CDK13: variants seen among roughly 807,000 people sequenced by gnomAD.
CDK13 encodes cyclin dependent kinase 13, also known as cyclin-dependent kinase 13.
In CDK13, 40 loss-of-function variants were observed where a neutral mutation model predicts 137.6. The observed-to-expected ratio is 0.29, with a 90% CI of 0.23 to 0.38. The LOEUF (loss-of-function observed/expected upper bound fraction) is 0.38, where lower values mean the gene tolerates loss of function less well. Among genes scored for constraint, CDK13 ranks in the 10% least tolerant of loss-of-function variants. CDK13 has a pLI of 1.00. For missense variants in CDK13, 1,704 were observed against 1,951.8 expected, an observed-to-expected ratio of 0.87 and a Z score of 2.39; for synonymous variants, 869 against 760.1, an observed-to-expected ratio of 1.14 and a Z score of -2.36.
intron 3 of CDK13, chr7:39,999,037 A>G (rs1208510036): frequency 4.0e-5 from 7 of 173,626 alleles, no homozygotes; most frequent in Non-Finnish European, 6.0e-5. Flanking sequence ...GAGAATTTTG[A>G]CTCTACTAGT....
chr7:40,037,076 A>G (rs1315487331), intron 5 of CDK13, among the ~76,000 whole-genome samples: 2 of 152,178 alleles, frequency 1.3e-5, no homozygotes, highest in Non-Finnish European at 2.9e-5. Flanking sequence ...CAATTTGGCC[A>G]AATGCTTCCT....
At chr7:40,020,091 C>T (rs554451517) in intron 5 of CDK13, among the ~76,000 whole-genome samples, 3 of 151,366 alleles carry the variant, frequency 2.0e-5, no homozygotes, top group South Asian at 2.1e-4. Context: ...TTTTTGAGAC[C>T]GGGTCTTGCT....
intron 5 of CDK13, among the ~76,000 whole-genome samples, chr7:40,013,758 A>T (rs1784944683): frequency 6.6e-6 from 1 of 152,206 alleles, no homozygotes; most frequent in Non-Finnish European, 1.5e-5. Context: ...AATGTATGAT[A>T]TGTGAATTAT....
chr7:40,097,990 G>GAGCAAGATTTTTTTA lies in CDK13; in HGVS notation c.*3012_*3026dup, dbSNP rs1464741663. On this transcript the variant is annotated 3_prime_UTR_variant, in exon 14 of 14. Coordinates refer to ENST00000181839, the MANE Select transcript of CDK13 (RefSeq NM_003718.5). ...ATCATACTTTCAGTGTGCTGACAGT[G>GAGCAAGATTTTTTTA]AGCAAGATTTTTTTAAATGTCTGGA... The GAGCAAGATTTTTTTA allele has an allele frequency of 1.1e-4, 16 of 152,082 alleles. No individual in the cohort carries two copies. The highest frequency in any genetic ancestry group is 7.2e-4 in the Admixed American group (11 of 15,276). 9.4% of individuals were successfully genotyped at this position (152,082 alleles called of 1,614,324 possible). A position where few individuals can be genotyped will look rare whatever the true frequency, so the allele number is the denominator to read the frequency against.
chr7:40,095,207 T>C lies in CDK13; in HGVS notation c.*227T>C, dbSNP rs973993955. 4.2e-5 allele frequency: 14 copies of C among 332,828 alleles called. No homozygotes were observed. Among genetic ancestry groups the C allele is most frequent in the Non-Finnish European group, 7.5e-5 (14 of 187,910 alleles). The allele number at this position is 332,828 out of a possible 1,614,324, so 20.6% of individuals were successfully genotyped here. A position where few individuals can be genotyped will look rare whatever the true frequency, so the allele number is the denominator to read the frequency against. On this transcript the variant is annotated 3_prime_UTR_variant, in exon 14 of 14. Transcript: ENST00000181839. ...ATTGTACATCTTCACAAATTCTAGT[T>C]AACAATTTTATTTTGTATTCTTGCA...
chr7:39,967,382 G>A (rs1305896496), intron 1 of CDK13, among the ~76,000 whole-genome samples: 6 of 151,782 alleles, frequency 4.0e-5, no homozygotes, highest in African/African-American at 1.2e-4. Context: ...AGCTGAGATC[G>A]CGCCACGCCT....
chr7:40,049,926 A>T (rs1785845934), intron 7 of CDK13, among the ~76,000 whole-genome samples: 2 of 151,350 alleles, frequency 1.3e-5, no homozygotes, highest in South Asian at 4.1e-4. Flanking sequence ...CTTGTTTTTT[A>T]AAGACTTGAA....
intron 1 of CDK13, among the ~76,000 whole-genome samples, chr7:39,967,982 T>C (rs1478167682): frequency 6.6e-6 from 1 of 152,152 alleles, no homozygotes; most frequent in Non-Finnish European, 1.5e-5. Flanking sequence ...CTCACCCACT[T>C]CAGCCTCCCA....
In CDK13 at chr7:40,074,539, AAG is replaced by A. The variant is rs1439212059; in HGVS notation, c.2781-3464_2781-3463del. On this transcript the variant is annotated intron_variant, in intron 9 of 13. Coordinates refer to ENST00000181839, the MANE Select transcript of CDK13 (RefSeq NM_003718.5). ...CACCATCTCAAAAAAAAAAAAAAAA[AAG>A]AAAGTAAATATAATGGGCTAAAAAC... 1.7e-4 allele frequency among the ~76,000 whole-genome samples: 26 copies of A among 151,184 alleles called. 1 individual carries two copies. Among genetic ancestry groups the A allele is most frequent in the South Asian group, 8.3e-4 (4 of 4,826 alleles).
chr7:39,962,678 T>G (rs1042241636), intron 1 of CDK13, among the ~76,000 whole-genome samples: 1 of 152,202 alleles, frequency 6.6e-6, no homozygotes, highest in Non-Finnish European at 1.5e-5. Context: ...TGCCATTGCT[T>G]TTGGTGTTTT....
intron 1 of CDK13, among the ~76,000 whole-genome samples, chr7:39,966,729 C>T (rs1254827645): frequency 1.3e-5 from 2 of 152,200 alleles, no homozygotes; most frequent in Admixed American, 6.5e-5. Context: ...CTGTTTTTCC[C>T]CATCTTTGTG....
intron 1 of CDK13, among the ~76,000 whole-genome samples, chr7:39,959,620 A>G (rs552625211): frequency 2.0e-5 from 3 of 152,136 alleles, no homozygotes; most frequent in East Asian, 3.9e-4. Flanking sequence ...GCATGCCAGC[A>G]TGCCCAGTTA....
At position 39,965,715 on chromosome 7, in the gene CDK13, A is replaced by G. The variant is rs147691372; in HGVS notation, c.1211+13863A>G. 6.8e-3 allele frequency among the ~76,000 whole-genome samples: 1,034 copies of G among 152,214 alleles called. 61 individuals are homozygous for G. The East Asian group carries it at 0.16, about 24-fold the overall frequency. ...TTGATGCAGTTTCTTCCTAGCCTCA[A>G]TGGTCTTTACAATTTGGTATGTTTT... On this transcript the variant is annotated intron_variant, in intron 1 of 13. Coordinates refer to ENST00000181839, the MANE Select transcript of CDK13 (RefSeq NM_003718.5).
chr7:40,040,840 T>G (rs1785590007), intron 5 of CDK13, among the ~76,000 whole-genome samples: 1 of 152,076 alleles, frequency 6.6e-6, no homozygotes, highest in Non-Finnish European at 1.5e-5. Context: ...AATTTTTTTG[T>G]TGTCATTGAG....
intron 7 of CDK13, among the ~76,000 whole-genome samples, chr7:40,052,170 A>C (rs987970330): frequency 6.5e-5 from 6 of 91,828 alleles, no homozygotes; most frequent in African/African-American, 4.0e-4. Flanking sequence ...ATAATGTGAC[A>C]CTTTATTTGT....
At chr7:40,053,629 G>A (rs534788882) in intron 7 of CDK13, among the ~76,000 whole-genome samples, 13 of 151,794 alleles carry the variant, frequency 8.6e-5, no homozygotes, top group Admixed American at 7.2e-4. Flanking sequence ...AGGCCCTACC[G>A]CCTTTGAAAT....
At chr7:40,048,490 A>G (rs1373611548) in intron 7 of CDK13, 1 of 152,186 alleles carries the variant, frequency 6.6e-6, no homozygotes, top group Non-Finnish European at 1.5e-5. Context: ...TTATGTAAAT[A>G]AAATACGGAA....
intron 9 of CDK13, chr7:40,067,901 CCCGG>C (rs1786316698): frequency 1.3e-5 from 2 of 152,302 alleles, no homozygotes; most frequent in Admixed American, 1.3e-4. Context: ...TTGAGACCAG[CCCGG>C]CCAGCATGGC....
In CDK13 at chr7:40,092,847, CA is replaced by C; in HGVS notation, c.3300del (p.Gln1100HisfsTer15). 6.2e-7 allele frequency: 1 copy of C among 1,614,138 alleles called. No homozygotes were observed. The highest frequency in any genetic ancestry group is 8.5e-7 in the Non-Finnish European group (1 of 1,180,020). On this transcript the variant is annotated frameshift_variant, in exon 13 of 14. Transcript: ENST00000181839. LOFTEE classifies it high-confidence loss of function. ...ATTGGCAATTCTACTAAACCTACTA[CA>C]ATCTAAAACAAGTGTTAATATGGCT... ...SELAILLNLL[Q>X]SKTSVNMADF...
Sources: allele counts gnomAD v4.1 joint callset (sites outside exome capture counted in the v4.1 genomes callset), GRCh38; gene constraint gnomAD v4.1.1; transcripts MANE v1.5; gene names NCBI Gene and HGNC (gene_info 2026-07-23, HGNC 2026-07-21).